DCDC1: variants seen among roughly 807,000 people sequenced by gnomAD.
DCDC1 encodes doublecortin domain containing 1.
Under a neutral mutation model 178.3 loss-of-function variants are expected in DCDC1, and 200 were observed. That is an observed-to-expected ratio of 1.12 (90% confidence interval 1.00 to 1.26). DCDC1 has a LOEUF of 1.26. DCDC1 is among the 50% of genes most tolerant of loss of function. The pLI, the probability that DCDC1 is intolerant of heterozygous loss-of-function variation, is 0.00. For synonymous variants in DCDC1, 690 were observed against 604.8 expected, an observed-to-expected ratio of 1.14 and a Z score of -2.07; for missense variants, 1,983 against 1,749.2, an observed-to-expected ratio of 1.13 and a Z score of -2.38.
intron 20 of DCDC1, among the ~76,000 whole-genome samples, chr11:30,968,074 G>T (rs951580573): frequency 1.3e-5 from 2 of 152,118 alleles, no homozygotes; most frequent in African/African-American, 4.8e-5. Context: ...GTTGCTGGGT[G>T]CCAGGGATCC....
intron 9 of DCDC1, among the ~76,000 whole-genome samples, chr11:31,240,435 C>G (rs961307407): frequency 7.2e-5 from 11 of 151,860 alleles, no homozygotes; most frequent in African/African-American, 2.7e-4. Flanking sequence ...TTTGCTAGTT[C>G]TGGATACCTT....
chr11:31,070,678 T>G (rs1049350676), intron 18 of DCDC1, among the ~76,000 whole-genome samples: 3 of 152,170 alleles, frequency 2.0e-5, no homozygotes, highest in Admixed American at 1.3e-4. Flanking sequence ...ATTTCACATT[T>G]ACCAAATTCA....
chr11:31,036,857 G>A (rs1042019526), intron 20 of DCDC1, among the ~76,000 whole-genome samples: 5 of 151,822 alleles, frequency 3.3e-5, no homozygotes, highest in African/African-American at 1.2e-4. Flanking sequence ...AGATATTTAT[G>A]GTATACTTAT....
At chr11:31,098,084 G>A (rs939657704) in intron 15 of DCDC1, among the ~76,000 whole-genome samples, 34 of 152,234 alleles carry the variant, frequency 2.2e-4, no homozygotes, top group Admixed American at 2.1e-3. Flanking sequence ...GTACTGAAAG[G>A]CTAGAATTAA....
intron 3 of DCDC1, among the ~76,000 whole-genome samples, chr11:31,313,178 T>TA: frequency 6.6e-6 from 1 of 152,314 alleles, no homozygotes; most frequent in African/African-American, 2.4e-5. Context: ...TTGTTTAGAT[T>TA]AAAAAATAAT....
intron 1 of DCDC1, among the ~76,000 whole-genome samples, chr11:31,352,379 T>A (rs541724616): frequency 2.0e-5 from 3 of 152,316 alleles, no homozygotes; most frequent in African/African-American, 7.2e-5. Context: ...ATTAGCATTA[T>A]GTTTTTACTA....
At chr11:31,341,307 C>T (rs968732252) in intron 1 of DCDC1, among the ~76,000 whole-genome samples, 3 of 152,062 alleles carry the variant, frequency 2.0e-5, no homozygotes, top group Non-Finnish European at 4.4e-5. Context: ...GACAGAATAA[C>T]ATTGAGACCA....
chr11:30,944,009 G>A (rs1947836504), intron 21 of DCDC1: 1 of 250,868 alleles, frequency 4.0e-6, no homozygotes, highest in African/African-American at 2.3e-5. Context: ...GAGAATTGGA[G>A]TCTCACTCAG....
intron 9 of DCDC1, among the ~76,000 whole-genome samples, chr11:31,196,568 C>T (rs1016927537): frequency 6.6e-6 from 1 of 151,944 alleles, no homozygotes; most frequent in African/African-American, 2.4e-5. Context: ...TTTACTATTA[C>T]CAGTTTATTA....
intron 36 of DCDC1, among the ~76,000 whole-genome samples, chr11:30,890,850 T>A (rs958044066): frequency 3.9e-5 from 6 of 152,230 alleles, no homozygotes; most frequent in African/African-American, 9.6e-5. Context: ...TTACTGTATT[T>A]CATCCTATGT....
intron 9 of DCDC1, among the ~76,000 whole-genome samples, chr11:31,213,440 A>AG (rs959915784): frequency 8.6e-5 from 13 of 151,886 alleles, no homozygotes; most frequent in Non-Finnish European, 1.8e-4. Context: ...CACCTTCAGC[A>AG]GGGGGCGGTG....
chr11:31,090,310 TTAAC>T (rs1332836763), intron 17 of DCDC1, among the ~76,000 whole-genome samples: 4 of 152,192 alleles, frequency 2.6e-5, no homozygotes, highest in Admixed American at 6.5e-5. Flanking sequence ...TGACTGGACT[TTAAC>T]TGACTGACAG....
At chr11:31,009,519 A>G (rs1459056024) in intron 20 of DCDC1, among the ~76,000 whole-genome samples, 1 of 151,646 alleles carries the variant, frequency 6.6e-6, no homozygotes, top group Non-Finnish European at 1.5e-5. Flanking sequence ...GAGAAATCCC[A>G]TGATCTTCAT....
intron 20 of DCDC1, among the ~76,000 whole-genome samples, chr11:30,984,816 G>A (rs146046301): frequency 6.6e-6 from 1 of 152,128 alleles, no homozygotes; most frequent in African/African-American, 2.4e-5. Context: ...AATGACAGGG[G>A]GAACCGCTTC....
chr11:31,341,221 C>T (rs142501230), intron 1 of DCDC1, among the ~76,000 whole-genome samples: 25 of 152,256 alleles, frequency 1.6e-4, no homozygotes, highest in South Asian at 4.1e-4. Context: ...TCTCCAGAAA[C>T]TTCTTTCACA....
chr11:31,047,940 T>C (rs1401819205), intron 20 of DCDC1, among the ~76,000 whole-genome samples: 1 of 152,230 alleles, frequency 6.6e-6, no homozygotes, highest in Non-Finnish European at 1.5e-5. Context: ...CACTTTATAC[T>C]AATACTAACA....
chr11:31,239,140 A>T (rs553187795), intron 9 of DCDC1, among the ~76,000 whole-genome samples: 1 of 152,190 alleles, frequency 6.6e-6, no homozygotes, highest in African/African-American at 2.4e-5. Flanking sequence ...TAATCTAATC[A>T]TACGATTTAT....
At chr11:31,010,780 G>A (rs183676049) in intron 20 of DCDC1, among the ~76,000 whole-genome samples, 97 of 152,212 alleles carry the variant, frequency 6.4e-4, no homozygotes, top group African/African-American at 2.2e-3. Context: ...AATAATTTTT[G>A]TCTTGATAAA....
chr11:31,243,609 C>G (rs1267425653), intron 8 of DCDC1, among the ~76,000 whole-genome samples: 1 of 151,562 alleles, frequency 6.6e-6, no homozygotes, highest in Non-Finnish European at 1.5e-5. Context: ...AACAAAAATT[C>G]TAAGTTTTTC....
Sources: gnomAD v4.1 joint callset for allele counts (sites outside exome capture counted in the v4.1 genomes callset) on GRCh38, gnomAD v4.1.1 for gene constraint, MANE v1.5 for transcripts, NCBI Gene and HGNC (gene_info 2026-07-23, HGNC 2026-07-21) for gene names.